The following RABGAP1 variants were observed in gnomAD, a reference collection of about 807,000 sequenced individuals.
The protein encoded by RABGAP1 is rab GTPase-activating protein 1.
A neutral mutation model predicts 137.6 loss-of-function variants in RABGAP1; 23 were observed. The observed-to-expected ratio is 0.17, with a 90% CI of 0.12 to 0.24. The LOEUF is 0.24. RABGAP1 is among the 10% of genes least tolerant of loss of function. RABGAP1 has a pLI of 1.00. For synonymous variants in RABGAP1, 451 were observed against 450.7 expected (o/e 1.00, Z -0.01); for missense variants, 906 against 1,275.8 (o/e 0.71, Z 4.42).
chr9:122,951,067 C>T (rs763406127), intron 1 of RABGAP1, among the ~76,000 whole-genome samples: 3 of 152,014 alleles, frequency 2.0e-5, no homozygotes, highest in Admixed American at 6.6e-5. Context: ...TGAGAAGTAA[C>T]GGGGTGGTAT....
At chr9:122,952,696 A>G (rs1287018264) in intron 1 of RABGAP1, among the ~76,000 whole-genome samples, 3 of 152,110 alleles carry the variant, frequency 2.0e-5, no homozygotes, top group Admixed American at 2.0e-4. Flanking sequence ...GGATCACACT[A>G]CCACATTCCA....
At chr9:123,009,712 A>G (rs1049624521) in intron 10 of RABGAP1, among the ~76,000 whole-genome samples, 5 of 152,200 alleles carry the variant, frequency 3.3e-5, no homozygotes, top group Admixed American at 6.6e-5. Context: ...GCCTCAAAAT[A>G]AAACTAAAAT....
chr9:123,055,254 C>G lies in RABGAP1; in HGVS notation c.1795-10094C>G, dbSNP rs186391031. On this transcript the variant is annotated intron_variant, in intron 13 of 25. Transcript: ENST00000373647. ...TCACAGAGGCTGGAATGCAATGGCA[C>G]GATCACAGCTCACTGCAGCTTTGAC... Among the ~76,000 whole-genome samples the G allele has an allele frequency of 8.5e-4, 129 of 152,270 alleles. 1 individual carries two copies. Among genetic ancestry groups the G allele is most frequent in the African/African-American group, 2.8e-3 (117 of 41,544 alleles).
chr9:122,981,367 A>C (rs1349722578), intron 2 of RABGAP1, among the ~76,000 whole-genome samples: 2 of 152,174 alleles, frequency 1.3e-5, no homozygotes, highest in African/African-American at 4.8e-5. Flanking sequence ...AAAAAGATAA[A>C]TATGTATTAA....
intron 1 of RABGAP1, among the ~76,000 whole-genome samples, chr9:122,944,765 C>T (rs1212941181): frequency 2.0e-5 from 3 of 151,368 alleles, no homozygotes; most frequent in Non-Finnish European, 4.4e-5. Flanking sequence ...TTAGTAGAGA[C>T]GGGTTTTCAC....
chr9:123,074,480 G>C (rs878971509), intron 17 of RABGAP1, 52 bp downstream of exon 17: 1 of 1,512,282 alleles, frequency 6.6e-7, no homozygotes, highest in Admixed American at 2.0e-5. Context: ...TGTACTTGAG[G>C]AGAACAGATT....
intron 13 of RABGAP1, among the ~76,000 whole-genome samples, chr9:123,051,958 A>AT (rs58591585): frequency 0.013 from 1,759 of 130,606 alleles, 24 homozygotes; most frequent in African/African-American, 0.032. Context: ...CGCCCGGCTA[A>AT]TTTTTTTTTT....
intron 13 of RABGAP1, among the ~76,000 whole-genome samples, chr9:123,023,910 A>C (rs1427659628): frequency 6.6e-6 from 1 of 152,156 alleles, no homozygotes; most frequent in Non-Finnish European, 1.5e-5. Context: ...TTCTTCAAAG[A>C]CTAGAGCAGG....
intron 13 of RABGAP1, among the ~76,000 whole-genome samples, chr9:123,028,003 T>C: frequency 6.6e-6 from 1 of 152,240 alleles, no homozygotes; most frequent in Non-Finnish European, 1.5e-5. Context: ...TGTGTGAGTT[T>C]ATGTAAGTCA....
rs1267520603 is a variant in RABGAP1 at position 122,998,840 on chromosome 9, C to A, written c.1374+74C>A. The A allele has an allele frequency of 8.0e-6, 8 of 995,582 alleles. No individual in the cohort carries two copies. The African/African-American group carries it at 1.3e-4, about 16-fold the overall frequency. 61.7% of individuals were successfully genotyped at this position (995,582 alleles called of 1,614,324 possible). On this transcript the variant is annotated intron_variant, in intron 10 of 25. Transcript: ENST00000373647. ...TCACGTCTGAGGCTGATTTCTAAGC[C>A]CTCAGATCTTTAAACAGTCATGTGT...
At chr9:123,043,765 A>G (rs2033068770) in intron 13 of RABGAP1, among the ~76,000 whole-genome samples, 1 of 152,198 alleles carries the variant, frequency 6.6e-6, no homozygotes, top group Non-Finnish European at 1.5e-5. Context: ...AGAAGTATGA[A>G]TTAAAAACAA....
chr9:123,071,959 A>T (rs2034370708), intron 15 of RABGAP1, among the ~76,000 whole-genome samples: 1 of 152,184 alleles, frequency 6.6e-6, no homozygotes, highest in Non-Finnish European at 1.5e-5. Flanking sequence ...AGAGCTTTGA[A>T]GCCCAGATAA....
At position 123,010,466 on chromosome 9, in the gene RABGAP1, T is replaced by G; in HGVS notation, c.1487T>G (p.Leu496Arg). 1 of 1,614,016 alleles carries G rather than the reference T, an allele frequency of 6.2e-7. No individual in the cohort carries two copies. Among genetic ancestry groups the G allele is most frequent in the Non-Finnish European group, 8.5e-7 (1 of 1,179,888 alleles). ...ACTACAGCCAGTCCTTCAGTTCGCC[T>G]GCCACAGTCTGGATCGCAAAGTTCA... ...RKTTASPSVRLPQSGSQSSVI... is the reference protein window; with the variant it reads ...RKTTASPSVRRPQSGSQSSVI... The change falls in exon 11 of 26, where the codon CTG (leucine) becomes CGG (arginine). Residue 496 changes from leucine (L) to arginine (R), a missense_variant. This residue lies in a region of RABGAP1 where 212 missense variants were observed against 289.4 expected (regional missense o/e 0.73). Transcript: ENST00000373647.
At chr9:122,987,374 A>G (rs1353078895) in intron 4 of RABGAP1, among the ~76,000 whole-genome samples, 1 of 152,094 alleles carries the variant, frequency 6.6e-6, no homozygotes, top group Non-Finnish European at 1.5e-5. Context: ...CCTTAATTCT[A>G]CTCTACCACT....
At chr9:123,054,493 A>G (rs908568083) in intron 13 of RABGAP1, among the ~76,000 whole-genome samples, 3 of 152,204 alleles carry the variant, frequency 2.0e-5, no homozygotes, top group East Asian at 1.9e-4. Flanking sequence ...AAATAGTACA[A>G]AGAATTCCTG....
At position 123,075,397 on chromosome 9, in the gene RABGAP1, G is replaced by T. The variant is rs2034479654; in HGVS notation, c.2254-848G>T. Among the ~76,000 whole-genome samples the T allele has an allele frequency of 1.3e-5, 2 of 152,042 alleles. 1 individual carries two copies. The highest frequency in any genetic ancestry group is 4.2e-4 in the South Asian group (2 of 4,814). On this transcript the variant is annotated intron_variant, in intron 17 of 25. Coordinates refer to ENST00000373647, the MANE Select transcript of RABGAP1 (RefSeq NM_012197.4). ...TTCATATACTTGAACATACACATCT[G>T]TACTATCCTTTTTAATTATGCTATA...
chr9:123,097,867 C>G (rs373473412), intron 22 of RABGAP1, 22 bp downstream of exon 22: 96 of 1,594,046 alleles, frequency 6.0e-5, no homozygotes, highest in Admixed American at 2.3e-4. Flanking sequence ...CTCCCACATT[C>G]CTCTGTCTTG....
intron 22 of RABGAP1, 75 bp from the exon 23 acceptor site, chr9:123,098,640 G>A: frequency 7.6e-7 from 1 of 1,311,494 alleles, no homozygotes. Flanking sequence ...GGGAAGCCTA[G>A]CACTAAGCGG....
At chr9:123,088,330 G>A (rs986062788) in intron 19 of RABGAP1, among the ~76,000 whole-genome samples, 2 of 151,956 alleles carry the variant, frequency 1.3e-5, no homozygotes, top group African/African-American at 2.4e-5. Flanking sequence ...GATTACAGGT[G>A]TGAGCCACTG....
Sources: allele counts gnomAD v4.1 joint callset (sites outside exome capture counted in the v4.1 genomes callset), GRCh38; gene constraint gnomAD v4.1.1; regional missense constraint gnomAD v4.1.1; transcripts MANE v1.5; gene names NCBI Gene and HGNC (gene_info 2026-07-23, HGNC 2026-07-21).